The following LRRC4C variants were observed in gnomAD, a reference collection of about 807,000 sequenced individuals.
The protein encoded by LRRC4C is leucine-rich repeat-containing protein 4C.
LRRC4C carries 5 observed loss-of-function variants against 33.6 expected under a neutral mutation model. The observed-to-expected ratio is 0.15, with a 90% CI of 0.08 to 0.31. The LOEUF (loss-of-function observed/expected upper bound fraction) is 0.31, where lower values mean the gene tolerates loss of function less well. Ranked by LOEUF, LRRC4C falls within the 10% of genes least tolerant of loss-of-function variation. LRRC4C has a pLI of 1.00. For synonymous variants in LRRC4C, 329 were observed against 302.0 expected (o/e 1.09, Z -0.93); for missense variants, 560 against 796.7 (o/e 0.70, Z 3.58).
intron 2 of LRRC4C, among the ~76,000 whole-genome samples, chr11:40,697,671 A>G (rs990645487): frequency 6.6e-6 from 1 of 152,188 alleles, no homozygotes; most frequent in Non-Finnish European, 1.5e-5. Context: ...ATTGGTTAAG[A>G]ACACAGTTTT....
At chr11:40,532,787 TGTTATAA>T (rs1234555575) in intron 3 of LRRC4C, among the ~76,000 whole-genome samples, 1 of 152,118 alleles carries the variant, frequency 6.6e-6, no homozygotes, top group Non-Finnish European at 1.5e-5. Context: ...ATTCTCTCAC[TGTTATAA>T]AGAAATACCT....
intron 1 of LRRC4C, among the ~76,000 whole-genome samples, chr11:40,944,007 G>C (rs1958272573): frequency 6.6e-6 from 1 of 152,056 alleles, no homozygotes; most frequent in South Asian, 2.1e-4. Flanking sequence ...ATTGGAATAG[G>C]ATTATTTTAA....
At chr11:40,966,670 C>T (rs189239372) in intron 1 of LRRC4C, among the ~76,000 whole-genome samples, 96 of 152,028 alleles carry the variant, frequency 6.3e-4, no homozygotes, top group Non-Finnish European at 1.0e-4. Context: ...ATGCCTCTGT[C>T]CTCATTAACA....
At chr11:40,795,590 T>C (rs1267652036) in intron 2 of LRRC4C, among the ~76,000 whole-genome samples, 2 of 152,054 alleles carry the variant, frequency 1.3e-5, no homozygotes, top group Non-Finnish European at 1.5e-5. Context: ...AAACGGTAAT[T>C]ATGCAGAAAG....
chr11:40,213,927 A>G lies in LRRC4C; in HGVS notation c.-96+27592T>C, dbSNP rs555993475. Among the ~76,000 whole-genome samples the G allele has an allele frequency of 2.0e-5, 3 of 151,602 alleles. No individual in the cohort carries two copies. The East Asian group carries it at 5.8e-4, about 29-fold the overall frequency. On this transcript the variant is annotated intron_variant, in intron 5 of 6. Coordinates refer to ENST00000528697, the MANE Select transcript of LRRC4C (RefSeq NM_001258419.2). ...CGTATGATCCCAAATTGAAAATGAG[A>G]AAAAAAAAGGAGCTCAAAGAGAGTT...
In LRRC4C at chr11:40,607,691, AT is replaced by A. The variant is rs140736296; in HGVS notation, c.-270+40450del. Among the ~76,000 whole-genome samples, 880 of 152,092 alleles carry A rather than the reference AT, an allele frequency of 5.8e-3. 14 individuals are homozygous for A. The highest frequency in any genetic ancestry group is 0.021 in the African/African-American group (856 of 41,480). ...ATTCTCCAAGCCCACGTGTGATCCA[AT>A]TTTTCCAGTACCCTAGGACAAAAAC... On this transcript the variant is annotated intron_variant, in intron 3 of 6. Transcript: ENST00000528697.
chr11:40,989,641 C>T (rs1853358890), intron 1 of LRRC4C, among the ~76,000 whole-genome samples: 1 of 152,114 alleles, frequency 6.6e-6, no homozygotes, highest in Admixed American at 6.5e-5. Context: ...ACTATTTTTA[C>T]TCAGTTGTTG....
intron 3 of LRRC4C, among the ~76,000 whole-genome samples, chr11:40,605,421 A>T (rs1467319517): frequency 6.6e-6 from 1 of 152,202 alleles, no homozygotes; most frequent in African/African-American, 2.4e-5. Flanking sequence ...TGATTCAACA[A>T]TACATGAACC....
chr11:40,790,266 G>C (rs540920639), intron 2 of LRRC4C, among the ~76,000 whole-genome samples: 2 of 152,122 alleles, frequency 1.3e-5, no homozygotes, highest in African/African-American at 4.8e-5. Flanking sequence ...TGGAATTGAT[G>C]CAAAAGATGA....
chr11:40,670,889 G>A (rs1291009943), intron 2 of LRRC4C, among the ~76,000 whole-genome samples: 1 of 151,942 alleles, frequency 6.6e-6, no homozygotes, highest in Non-Finnish European at 1.5e-5. Flanking sequence ...TCAGCCTCCC[G>A]AGTGGCTGGG....
intron 4 of LRRC4C, among the ~76,000 whole-genome samples, chr11:40,302,784 A>G (rs1443229180): frequency 6.6e-6 from 1 of 152,174 alleles, no homozygotes; most frequent in African/African-American, 2.4e-5. Flanking sequence ...ATATTTTTGT[A>G]AAAGATTACT....
At chr11:40,299,631 G>A (rs1944675087) in intron 4 of LRRC4C, among the ~76,000 whole-genome samples, 1 of 152,322 alleles carries the variant, frequency 6.6e-6, no homozygotes, top group South Asian at 2.1e-4. Flanking sequence ...TATTTGAAGA[G>A]CCAATTAAAT....
intron 1 of LRRC4C, among the ~76,000 whole-genome samples, chr11:41,401,532 G>A (rs939989651): frequency 6.6e-6 from 1 of 151,792 alleles, no homozygotes; most frequent in Non-Finnish European, 1.5e-5. Context: ...GCAAAAATAA[G>A]CAAAAAGTAG....
chr11:41,022,010 T>C (rs1856015852), intron 1 of LRRC4C, among the ~76,000 whole-genome samples: 1 of 151,814 alleles, frequency 6.6e-6, no homozygotes, highest in African/African-American at 2.4e-5. Context: ...CAGTGCTGAG[T>C]ACACAGTATA....
At chr11:40,994,488 GA>G (rs2137292205) in intron 1 of LRRC4C, among the ~76,000 whole-genome samples, 1 of 152,186 alleles carries the variant, frequency 6.6e-6, no homozygotes, top group Non-Finnish European at 1.5e-5. Context: ...GATCCTTTCA[GA>G]ATTTCTGGCT....
chr11:40,292,286 A>T (rs773489584), intron 4 of LRRC4C: 2 of 152,172 alleles, frequency 1.3e-5, no homozygotes, highest in Admixed American at 1.3e-4. Flanking sequence ...AAGGAATAAA[A>T]ATTAAAAAAA....
At chr11:41,217,266 T>C (rs1314528208) in intron 1 of LRRC4C, among the ~76,000 whole-genome samples, 1 of 152,212 alleles carries the variant, frequency 6.6e-6, no homozygotes, top group African/African-American at 2.4e-5. Flanking sequence ...TTTCTAGTAT[T>C]TAGCAACTAT....
chr11:40,548,581 C>A (rs1312562989), intron 3 of LRRC4C, among the ~76,000 whole-genome samples: 1 of 151,990 alleles, frequency 6.6e-6, no homozygotes, highest in Non-Finnish European at 1.5e-5. Flanking sequence ...TTTAAGCCAG[C>A]CAGTTTGTGA....
intron 1 of LRRC4C, among the ~76,000 whole-genome samples, chr11:41,449,242 T>TGG (rs988046432): frequency 3.3e-5 from 5 of 152,088 alleles, no homozygotes; most frequent in Admixed American, 6.6e-5. Flanking sequence ...AAACAGAAAG[T>TGG]GGGCCTGGGG....
Sources: gnomAD v4.1 joint callset for allele counts (sites outside exome capture counted in the v4.1 genomes callset) on GRCh38, gnomAD v4.1.1 for gene constraint, MANE v1.5 for transcripts, NCBI Gene and HGNC (gene_info 2026-07-23, HGNC 2026-07-21) for gene names.